The following ICA1L variants were observed in gnomAD, a reference collection of about 807,000 sequenced individuals.
ICA1L encodes islet cell autoantigen 1-like protein.
Under a neutral mutation model 61.3 loss-of-function variants are expected in ICA1L, and 50 were observed. That is an observed-to-expected ratio of 0.82 (90% CI 0.65 to 1.03). The LOEUF is 1.03. ICA1L is among the 50% of genes least tolerant of loss of function. ICA1L has a pLI of 0.00. For synonymous variants in ICA1L, 161 were observed against 191.3 expected (o/e 0.84, Z 1.31); for missense variants, 508 against 556.7 (o/e 0.91, Z 0.88).
At chr2:202,820,907 T>C (rs1255233817) in intron 4 of ICA1L, among the ~76,000 whole-genome samples, 1 of 152,156 alleles carries the variant, frequency 6.6e-6, no homozygotes, top group Admixed American at 6.5e-5. Flanking sequence ...TATCATTATA[T>C]TAGAAACTGA....
chr2:202,828,815 G>C, intron 2 of ICA1L, 33 bp downstream of exon 2: 1 of 1,581,944 alleles, frequency 6.3e-7, no homozygotes, highest in African/African-American at 1.3e-5. Flanking sequence ...ATAATGGCTG[G>C]TTATATGCAA....
Position 202,787,920 on chromosome 2 carries a change from T to C in ICA1L, c.1243+910A>G, listed in dbSNP as rs375395564. Among the ~76,000 whole-genome samples, 15 of 152,254 alleles carry C rather than the reference T, an allele frequency of 9.9e-5. No individual in the cohort carries two copies. In the East Asian group the frequency reaches 1.4e-3, roughly 14 times the overall value. On this transcript the variant is annotated intron_variant, in intron 11 of 12. Transcript: ENST00000358299. Reference sequence around the variant, plus strand: ...TGACAATCATGGAGAAAACACTGGATTGGGATCTAATACTCAGGCCCACGT... The same window carrying C: ...TGACAATCATGGAGAAAACACTGGACTGGGATCTAATACTCAGGCCCACGT...
At chr2:202,779,754 A>AATT in intron 12 of ICA1L, 106 bp from the exon 13 acceptor site, 1 of 640,980 alleles carries the variant, frequency 1.6e-6, no homozygotes, top group Admixed American at 3.2e-5. Flanking sequence ...ATTAAGAAAA[A>AATT]ATTAAGATAA....
intron 8 of ICA1L, among the ~76,000 whole-genome samples, chr2:202,813,774 T>A (rs2105845239): frequency 6.6e-6 from 1 of 152,252 alleles, no homozygotes; most frequent in African/African-American, 2.4e-5. Flanking sequence ...AAAGGGACAA[T>A]AATATAATAA....
At chr2:202,825,963 G>GA (rs35720321) in intron 2 of ICA1L, among the ~76,000 whole-genome samples, 196 bp from the exon 3 acceptor site, 2 of 152,008 alleles carry the variant, frequency 1.3e-5, no homozygotes, top group African/African-American at 2.4e-5. Flanking sequence ...ATGAGAGCTG[G>GA]AAAAAAATGA....
intron 5 of ICA1L, 142 bp downstream of exon 5, chr2:202,819,556 ACTT>A (rs1341206489): frequency 4.7e-6 from 3 of 642,930 alleles, no homozygotes; most frequent in African/African-American, 1.8e-5. Flanking sequence ...AAACTTTTGT[ACTT>A]CAACTACAGT....
intron 10 of ICA1L, among the ~76,000 whole-genome samples, chr2:202,793,022 G>A (rs1692802343): frequency 6.6e-6 from 1 of 152,090 alleles, no homozygotes; most frequent in Non-Finnish European, 1.5e-5. Context: ...ACAAGCATGA[G>A]AGAATTTGGG....
At chr2:202,819,648 T>G (rs772086063) in intron 5 of ICA1L, 53 bp downstream of exon 5, 22 of 1,247,872 alleles carry the variant, frequency 1.8e-5, no homozygotes, top group African/African-American at 5.9e-5. Flanking sequence ...AATTATTCTG[T>G]GGCAGTTTCA....
In ICA1L at chr2:202,774,387, C is replaced by T; in HGVS notation, c.*5146G>A. 1 of 1,164,142 alleles carries T rather than the reference C, an allele frequency of 8.6e-7. No individual in the cohort carries two copies. Among genetic ancestry groups the T allele is most frequent in the African/African-American group, 1.7e-5 (1 of 60,486 alleles). 72.1% of individuals were successfully genotyped at this position (1,164,142 alleles called of 1,614,324 possible). ...GTGGTCTGGCAGCCGGAGACCAGGCCTCACTGCGCCTCCAACAGCCAGGGT... is the reference window on the plus strand; with the variant it reads ...GTGGTCTGGCAGCCGGAGACCAGGCTTCACTGCGCCTCCAACAGCCAGGGT... On this transcript the variant is annotated 3_prime_UTR_variant, in exon 13 of 13. Transcript: ENST00000358299.
chr2:202,861,611 GT>G (rs1234875456), intron 1 of ICA1L, among the ~76,000 whole-genome samples: 1 of 151,746 alleles, frequency 6.6e-6, no homozygotes, highest in Non-Finnish European at 1.5e-5. Context: ...TGAAGGCCAG[GT>G]GCAGTGGCTC....
At chr2:202,781,668 G>C (rs975542630) in intron 12 of ICA1L, among the ~76,000 whole-genome samples, 1 of 151,916 alleles carries the variant, frequency 6.6e-6, no homozygotes, top group Non-Finnish European at 1.5e-5. Context: ...CCCAACCCCA[G>C]GGAATGCCAG....
intron 9 of ICA1L, among the ~76,000 whole-genome samples, chr2:202,807,868 G>A (rs914584744): frequency 1.3e-5 from 2 of 152,182 alleles, no homozygotes; most frequent in East Asian, 3.9e-4. Flanking sequence ...CATACCCAGG[G>A]CCAGAAGGGA....
Position 202,785,971 on chromosome 2 carries a change from G to T in ICA1L, c.1280C>A (p.Ser427Ter). Residue 427 changes from serine to a stop codon, truncating the protein, a stop_gained, in exon 12 of 13, where the codon TCA becomes TAA. Transcript: ENST00000358299. LOFTEE classifies it high-confidence loss of function. Reference sequence around the variant, plus strand: ...AGGCACTGGCTGGTTATCAGTGTGTGAAAGACAAAGTTCTGATTCCTCTTG... The same window carrying T: ...AGGCACTGGCTGGTTATCAGTGTGTTAAAGACAAAGTTCTGATTCCTCTTG... The part of the protein sequence containing the change: ...VSQEESELCL[S>*]HTDNQPVPSQ... 6.2e-7 allele frequency: 1 copy of T among 1,610,000 alleles called. No homozygotes were observed. Among genetic ancestry groups the T allele is most frequent in the Non-Finnish European group, 8.5e-7 (1 of 1,176,922 alleles).
chr2:202,854,214 GAAA>G (rs1034293574), intron 1 of ICA1L, among the ~76,000 whole-genome samples: 8 of 121,448 alleles, frequency 6.6e-5, no homozygotes, highest in African/African-American at 2.4e-4. Context: ...CAAATGGAAA[GAAA>G]AAAAAAAAAG....
chr2:202,838,566 T>G (rs1378656268), intron 1 of ICA1L, among the ~76,000 whole-genome samples: 1 of 152,254 alleles, frequency 6.6e-6, no homozygotes, highest in African/African-American at 2.4e-5. Flanking sequence ...TCTTCAGATC[T>G]ATTAATATTT....
chr2:202,845,372 A>G (rs1022950159), intron 1 of ICA1L, among the ~76,000 whole-genome samples: 4 of 152,198 alleles, frequency 2.6e-5, no homozygotes, highest in African/African-American at 9.6e-5. Context: ...CATACCTGTA[A>G]TCCCAGCATT....
intron 12 of ICA1L, among the ~76,000 whole-genome samples, chr2:202,782,796 G>A (rs760609965): frequency 6.6e-6 from 1 of 151,892 alleles, no homozygotes; most frequent in Non-Finnish European, 1.5e-5. Flanking sequence ...TCAGCCTCAA[G>A]AATTAGAGGT....
intron 1 of ICA1L, among the ~76,000 whole-genome samples, chr2:202,832,993 T>C (rs1042588171): frequency 9.3e-5 from 14 of 151,212 alleles, no homozygotes; most frequent in Non-Finnish European, 7.4e-5. Flanking sequence ...AATTTACAGA[T>C]CCAATAAGCT....
At chr2:202,827,766 C>A (rs1276532361) in intron 2 of ICA1L, among the ~76,000 whole-genome samples, 2 of 152,268 alleles carry the variant, frequency 1.3e-5, no homozygotes, top group East Asian at 3.9e-4. Context: ...CCTAGAAATA[C>A]TTTTCAACAC....
Sources: gnomAD v4.1 joint callset for allele counts (sites outside exome capture counted in the v4.1 genomes callset) on GRCh38, gnomAD v4.1.1 for gene constraint, MANE v1.5 for transcripts, NCBI Gene and HGNC (gene_info 2026-07-23, HGNC 2026-07-21) for gene names.